TULP4: variants seen among roughly 807,000 people sequenced by gnomAD.
TULP4 encodes TUB like protein 4, also known as tubby-related protein 4.
Under a neutral mutation model 129.0 loss-of-function variants are expected in TULP4, and 16 were observed. The observed-to-expected ratio is 0.12, with a 90% CI of 0.08 to 0.19. The LOEUF (loss-of-function observed/expected upper bound fraction) is 0.19. Among genes scored for constraint, TULP4 ranks in the 10% least tolerant of loss-of-function variants. The probability of loss-of-function intolerance (pLI) is 1.00; values close to 1 mark genes in which losing one functional copy is unlikely to be tolerated. For missense variants in TULP4, 1,842 were observed against 2,059.1 expected (o/e 0.89, Z 2.04); for synonymous variants, 998 against 854.0 (o/e 1.17, Z -2.94).
At chr6:158,450,634 C>T (rs1474435177) in intron 4 of TULP4, among the ~76,000 whole-genome samples, 5 of 151,926 alleles carry the variant, frequency 3.3e-5, no homozygotes, top group Non-Finnish European at 7.4e-5. Context: ...AAGTGTTGGT[C>T]ATATTTCTAC....
intron 1 of TULP4, among the ~76,000 whole-genome samples, chr6:158,287,995 G>C (rs1326107113): frequency 6.6e-6 from 1 of 152,142 alleles, no homozygotes; most frequent in Non-Finnish European, 1.5e-5. Flanking sequence ...ATTAACTGAG[G>C]GGAGGTCATG....
At chr6:158,439,955 C>T (rs2115095564) in intron 3 of TULP4, among the ~76,000 whole-genome samples, 1 of 151,750 alleles carries the variant, frequency 6.6e-6, no homozygotes, top group East Asian at 2.0e-4. Flanking sequence ...TCGTGATCTG[C>T]CCGCCTCAGC....
chr6:158,377,631 A>C (rs558892701), intron 1 of TULP4, among the ~76,000 whole-genome samples: 1 of 152,346 alleles, frequency 6.6e-6, no homozygotes, highest in African/African-American at 2.4e-5. Flanking sequence ...GATGAGCATG[A>C]TAGGGCTCCT....
At chr6:158,365,261 C>T (rs959624062) in intron 1 of TULP4, among the ~76,000 whole-genome samples, 2 of 151,970 alleles carry the variant, frequency 1.3e-5, no homozygotes, top group Non-Finnish European at 2.9e-5. Flanking sequence ...CTATTCTATA[C>T]ACAGAGTGAA....
chr6:158,380,911 A>AAAAAAAAAG (rs1350830019), intron 1 of TULP4, among the ~76,000 whole-genome samples: 9 of 101,882 alleles, frequency 8.8e-5, no homozygotes, highest in African/African-American at 2.3e-4. Flanking sequence ...AAAAAAAAAA[A>AAAAAAAAAG]AGAAGAAGAA....
intron 1 of TULP4, among the ~76,000 whole-genome samples, chr6:158,335,741 T>C (rs983465589): frequency 9.2e-5 from 14 of 152,374 alleles, no homozygotes; most frequent in Non-Finnish European, 1.0e-4. Context: ...GATCATTCCA[T>C]GTCAGTTCAT....
chr6:158,368,555 G>A (rs539522470), intron 1 of TULP4, among the ~76,000 whole-genome samples: 11 of 152,204 alleles, frequency 7.2e-5, no homozygotes, highest in Non-Finnish European at 1.5e-4. Context: ...CACGGCATTT[G>A]TGAACTGGGG....
At chr6:158,484,326 T>C (rs1360784544) in intron 8 of TULP4, among the ~76,000 whole-genome samples, 1 of 151,554 alleles carries the variant, frequency 6.6e-6, no homozygotes, top group Non-Finnish European at 1.5e-5. Flanking sequence ...TGCACTTTTT[T>C]TTTTTGTAGA....
chr6:158,510,790 A>T lies in TULP4; in HGVS notation c.*4096A>T, dbSNP rs1443392085. 3 of 152,178 alleles carry T rather than the reference A, an allele frequency of 2.0e-5. No homozygotes were observed. Among genetic ancestry groups the T allele is most frequent in the Non-Finnish European group, 4.4e-5 (3 of 68,036 alleles). The allele number at this position is 152,178 out of a possible 1,614,324, so 9.4% of individuals were successfully genotyped here. On this transcript the variant is annotated 3_prime_UTR_variant, in exon 14 of 14. Transcript: ENST00000367097. ...ACTACTTGTCCCCAAAACCACAGGA[A>T]TATATACCTAGGTCACCTCAAATTC...
intron 1 of TULP4, chr6:158,242,941 A>G (rs1292198286): frequency 1.2e-5 from 2 of 172,528 alleles, no homozygotes; most frequent in Non-Finnish European, 2.4e-5. Flanking sequence ...GCCCACCACA[A>G]CACCCGGCTA....
chr6:158,304,550 G>A (rs1779183223), intron 1 of TULP4, among the ~76,000 whole-genome samples: 1 of 152,116 alleles, frequency 6.6e-6, no homozygotes, highest in East Asian at 1.9e-4. Flanking sequence ...GACAAGCAGA[G>A]TAATATTTAC....
intron 1 of TULP4, among the ~76,000 whole-genome samples, chr6:158,251,563 A>T (rs940101024): frequency 2.0e-5 from 3 of 152,240 alleles, no homozygotes; most frequent in Non-Finnish European, 2.9e-5. Flanking sequence ...CAATCAAAAA[A>T]TTCCTGAGAT....
At position 158,503,299 on chromosome 6, in the gene TULP4, C is replaced by T. The variant is rs1780513658; in HGVS notation, c.3636C>T (p.Ala1212=). ...AGGCTCCCTGCTCTCCCAAAGATGCCCTGTCCCCAACGCAGTTTGCACAAC... is the reference window on the plus strand; with the variant it reads ...AGGCTCCCTGCTCTCCCAAAGATGCTCTGTCCCCAACGCAGTTTGCACAAC... ...GVQAPCSPKD[A]LSPTQFAQQE... Residue 1212 remains alanine, a synonymous_variant, in exon 13 of 14, where the codon GCC becomes GCT. Coordinates refer to ENST00000367097, the MANE Select transcript of TULP4 (RefSeq NM_020245.5). The surrounding 1 kb of genome is among the most constrained non-coding windows in gnomAD (Gnocchi z 4.3). 3 of 1,613,900 alleles carry T rather than the reference C, an allele frequency of 1.9e-6. No homozygotes were observed. Among genetic ancestry groups the T allele is most frequent in the Non-Finnish European group, 2.5e-6 (3 of 1,179,970 alleles).
At position 158,477,028 on chromosome 6, in the gene TULP4, C is replaced by T. The variant is rs1002966531; in HGVS notation, c.1027-2723C>T. ...ATGTTATTCATGTGGGAGAGTAGAACGGATGCAGTGAATTCAGGTATGTGA... is the reference window on the plus strand; with the variant it reads ...ATGTTATTCATGTGGGAGAGTAGAATGGATGCAGTGAATTCAGGTATGTGA... On this transcript the variant is annotated intron_variant, in intron 6 of 13. Coordinates refer to ENST00000367097, the MANE Select transcript of TULP4 (RefSeq NM_020245.5). 3.9e-5 allele frequency among the ~76,000 whole-genome samples: 6 copies of T among 152,204 alleles called. No homozygotes were observed. In the Middle Eastern group the frequency reaches 0.01, roughly 259 times the overall value.
chr6:158,359,970 G>T (rs888369794), intron 1 of TULP4, among the ~76,000 whole-genome samples: 1 of 152,086 alleles, frequency 6.6e-6, no homozygotes, highest in African/African-American at 2.4e-5. Context: ...AAGGGCATCT[G>T]CCCTTGACTC....
Position 158,493,553 on chromosome 6 carries a change from T to C in TULP4, c.1632-20T>C. 1 of 1,475,406 alleles carries C rather than the reference T, an allele frequency of 6.8e-7. No individual in the cohort carries two copies. The highest frequency in any genetic ancestry group is 9.0e-7 in the Non-Finnish European group (1 of 1,111,716). The allele number at this position is 1,475,406 out of a possible 1,614,324, so 91.4% of individuals were successfully genotyped here. ...ATTCCCGCCACGGATGCCTGACCCC[T>C]CCTGGCCTTGCCTCCCCAGGATCAG... On this transcript the variant is annotated intron_variant, in intron 9 of 13. Coordinates refer to ENST00000367097, the MANE Select transcript of TULP4 (RefSeq NM_020245.5). This position sits in a 1 kb window ranked among gnomAD's most constrained non-coding sequence, Gnocchi z 4.4.
chr6:158,332,200 A>AATATATATATATATATATATATATAT (rs776893885), intron 1 of TULP4, among the ~76,000 whole-genome samples: 2 of 18,012 alleles, frequency 1.1e-4, no homozygotes, highest in African/African-American at 2.2e-4. Flanking sequence ...AAAAAAAAAA[A>AATATATATATATATATATATATATAT]ATATATATAT....
intron 3 of TULP4, among the ~76,000 whole-genome samples, chr6:158,432,062 A>G (rs1363514295): frequency 6.7e-6 from 1 of 148,442 alleles, no homozygotes; most frequent in Non-Finnish European, 1.5e-5. Context: ...AGTTCTCGAG[A>G]CCAGCCTAGG....
intron 6 of TULP4, among the ~76,000 whole-genome samples, chr6:158,467,102 T>C (rs1337473278): frequency 6.6e-6 from 1 of 152,126 alleles, no homozygotes. Context: ...CTCTTCCAGG[T>C]TGTGGTCCAG....
Sources: allele counts gnomAD v4.1 joint callset (sites outside exome capture counted in the v4.1 genomes callset), GRCh38; gene constraint gnomAD v4.1.1; non-coding constraint Gnocchi (gnomAD v3.1); transcripts MANE v1.5; gene names NCBI Gene and HGNC (gene_info 2026-07-23, HGNC 2026-07-21).